The following DSCAM variants were observed in gnomAD, a reference collection of about 807,000 sequenced individuals.
DSCAM encodes DS cell adhesion molecule, also known as cell adhesion molecule DSCAM.
DSCAM carries 47 observed loss-of-function variants against 217.7 expected under a neutral mutation model. The ratio of observed to expected loss-of-function variants is 0.22; its 90% CI spans 0.17 to 0.28. The LOEUF (loss-of-function observed/expected upper bound fraction) is 0.28. Among genes scored for constraint, DSCAM ranks in the 10% least tolerant of loss-of-function variants. DSCAM has a pLI of 1.00. For synonymous variants in DSCAM, 1,056 were observed against 1,015.3 expected, an observed-to-expected ratio of 1.04 and a Z score of -0.76; for missense variants, 2,080 against 2,618.3, an observed-to-expected ratio of 0.79 and a Z score of 4.49.
intron 1 of DSCAM, among the ~76,000 whole-genome samples, chr21:40,798,513 C>A (rs945974758): frequency 6.6e-6 from 1 of 151,656 alleles, no homozygotes; most frequent in African/African-American, 2.4e-5. Context: ...AATAACACAC[C>A]AAAAAAGAAA....
At chr21:40,291,875 A>G (rs1385048264) in intron 10 of DSCAM, among the ~76,000 whole-genome samples, 3 of 152,212 alleles carry the variant, frequency 2.0e-5, no homozygotes, top group Non-Finnish European at 4.4e-5. Flanking sequence ...GGCCCAGGCC[A>G]GGCCCCAGGC....
intron 1 of DSCAM, among the ~76,000 whole-genome samples, chr21:40,744,978 T>A (rs1403960039): frequency 6.6e-6 from 1 of 152,094 alleles, no homozygotes; most frequent in African/African-American, 2.4e-5. Flanking sequence ...AAAATCCAAA[T>A]AGAAATCCTA....
intron 19 of DSCAM, among the ~76,000 whole-genome samples, chr21:40,125,056 C>T (rs1279910056): frequency 1.3e-5 from 2 of 152,150 alleles, no homozygotes; most frequent in Admixed American, 6.5e-5. Context: ...TCAGAGACCC[C>T]ACCCTCCCTC....
intron 1 of DSCAM, among the ~76,000 whole-genome samples, chr21:40,784,589 C>T (rs1420467754): frequency 6.6e-6 from 1 of 152,136 alleles, no homozygotes; most frequent in Non-Finnish European, 1.5e-5. Context: ...CTGTGCCTCC[C>T]CAAAGTTCAT....
At chr21:40,292,195 T>TA (rs2073901202) in intron 10 of DSCAM, among the ~76,000 whole-genome samples, 2 of 151,070 alleles carry the variant, frequency 1.3e-5, no homozygotes, top group African/African-American at 4.8e-5. Flanking sequence ...CTTTTTTTTT[T>TA]TTTTTTTTTT....
At chr21:40,196,410 G>A (rs2091009200) in intron 11 of DSCAM, among the ~76,000 whole-genome samples, 1 of 152,106 alleles carries the variant, frequency 6.6e-6, no homozygotes, top group Non-Finnish European at 1.5e-5. Flanking sequence ...AAATAGGCCA[G>A]TGCTCAGGCC....
intron 1 of DSCAM, among the ~76,000 whole-genome samples, chr21:40,716,907 GACAGAAACATTC>G (rs1483751130): frequency 1.3e-5 from 2 of 152,172 alleles, no homozygotes; most frequent in Non-Finnish European, 2.9e-5. Flanking sequence ...CGAAGGTTGT[GACAGAAACATTC>G]ACAAAATGCA....
Position 40,353,667 on chromosome 21 carries a change from C to A in DSCAM, c.732G>T (p.Leu244=). 6.2e-7 allele frequency: 1 copy of A among 1,609,842 alleles called. No homozygotes were observed. The highest frequency in any genetic ancestry group is 2.2e-5 in the East Asian group (1 of 44,774). The change falls in exon 5 of 33, where the codon CTG becomes CTT. Residue 244 remains leucine, a synonymous_variant. Transcript: ENST00000400454. ...RKAMAGQRVE[L]PCKALGHPEP... ...CAGGGTGCCCGAGCGCTTTGCAAGG[C>A]AGCTCCACACGCTGCCCAGCCATGG...
chr21:40,477,238 A>G (rs914405391), intron 3 of DSCAM, among the ~76,000 whole-genome samples: 2 of 152,228 alleles, frequency 1.3e-5, no homozygotes, highest in African/African-American at 4.8e-5. Flanking sequence ...ATAGTCTAGA[A>G]AAATAAAACC....
Position 40,036,976 on chromosome 21 carries a change from C to T in DSCAM, c.5686+5395G>A, listed in dbSNP as rs1214556714. On this transcript the variant is annotated intron_variant, in intron 32 of 32. Transcript: ENST00000400454. ...TGACAAAATTCAACAACCCTTCATGCTAAAAACTCTTAATAAATTAGGTAT... is the reference window on the plus strand; with the variant it reads ...TGACAAAATTCAACAACCCTTCATGTTAAAAACTCTTAATAAATTAGGTAT... 3.3e-5 allele frequency among the ~76,000 whole-genome samples: 5 copies of T among 150,656 alleles called. No homozygotes were observed. The East Asian group carries it at 7.7e-4, about 23-fold the overall frequency.
At chr21:40,478,223 GA>G (rs2075953766) in intron 3 of DSCAM, among the ~76,000 whole-genome samples, 1 of 152,174 alleles carries the variant, frequency 6.6e-6, no homozygotes, top group Non-Finnish European at 1.5e-5. Flanking sequence ...TATATTGAAT[GA>G]ACATAACTCC....
chr21:40,262,294 T>C (rs1024758561), intron 11 of DSCAM, among the ~76,000 whole-genome samples: 3 of 152,116 alleles, frequency 2.0e-5, no homozygotes, highest in African/African-American at 4.8e-5. Context: ...ATTTAGGAGA[T>C]AATTAGATTT....
chr21:40,579,816 C>T (rs147877541), intron 3 of DSCAM, among the ~76,000 whole-genome samples: 60 of 137,558 alleles, frequency 4.4e-4, no homozygotes, highest in African/African-American at 1.5e-3. Flanking sequence ...GTACTACTAT[C>T]AGACCTTCAC....
At chr21:40,641,348 G>C (rs2146341679) in intron 3 of DSCAM, among the ~76,000 whole-genome samples, 1 of 152,252 alleles carries the variant, frequency 6.6e-6, no homozygotes, top group South Asian at 2.1e-4. Flanking sequence ...AAACAGACAT[G>C]AGCTGGTTTC....
intron 3 of DSCAM, among the ~76,000 whole-genome samples, chr21:40,607,461 G>T (rs1439807236): frequency 7.3e-6 from 1 of 136,536 alleles, no homozygotes; most frequent in African/African-American, 2.8e-5. Flanking sequence ...CATCTTTTTA[G>T]AAAGCGATAT....
chr21:40,292,767 G>C (rs1207086527), intron 10 of DSCAM, among the ~76,000 whole-genome samples: 2 of 151,672 alleles, frequency 1.3e-5, no homozygotes, highest in African/African-American at 4.8e-5. Flanking sequence ...TTTTGAGATG[G>C]AGTCTCGCTC....
intron 19 of DSCAM, among the ~76,000 whole-genome samples, chr21:40,128,819 G>T (rs889163914): frequency 2.0e-5 from 3 of 152,050 alleles, no homozygotes; most frequent in African/African-American, 7.2e-5. Context: ...AGGGGACTCA[G>T]CTCAACCAGA....
chr21:40,282,559 C>T (rs2073775463), intron 10 of DSCAM, among the ~76,000 whole-genome samples: 1 of 134,690 alleles, frequency 7.4e-6, no homozygotes, highest in South Asian at 2.3e-4. Context: ...CCACTGCAGT[C>T]CAGCCTGGGC....
intron 6 of DSCAM, 139 bp from the exon 7 acceptor site, chr21:40,339,554 A>G: frequency 1.2e-6 from 1 of 838,318 alleles, no homozygotes; most frequent in Non-Finnish European, 1.8e-6. Flanking sequence ...CTGATAAAGC[A>G]AAACGTTAAT....
Sources: allele counts gnomAD v4.1 joint callset (sites outside exome capture counted in the v4.1 genomes callset), GRCh38; gene constraint gnomAD v4.1.1; transcripts MANE v1.5; gene names NCBI Gene and HGNC (gene_info 2026-07-23, HGNC 2026-07-21).